The following DACH1 variants were observed in gnomAD, a reference collection of about 807,000 sequenced individuals.
DACH1 encodes the protein dachshund family transcription factor 1.
A neutral mutation model predicts 54.2 loss-of-function variants in DACH1; 12 were observed. That is an observed-to-expected ratio of 0.22 (90% CI 0.14 to 0.36). DACH1 has a LOEUF of 0.36. DACH1 is among the 10% of genes least tolerant of loss of function. The pLI, the probability that DACH1 is intolerant of heterozygous loss-of-function variation, is 1.00. For synonymous variants in DACH1, 386 were observed against 366.2 expected, an observed-to-expected ratio of 1.05 and a Z score of -0.62; for missense variants, 805 against 929.8, an observed-to-expected ratio of 0.87 and a Z score of 1.75.
intron 10 of DACH1, among the ~76,000 whole-genome samples, chr13:71,471,248 G>A (rs1293774792): frequency 2.0e-5 from 3 of 151,934 alleles, no homozygotes; most frequent in African/African-American, 7.3e-5. Context: ...ACATATTAAC[G>A]ACAATATTGG....
chr13:71,863,468 C>T (rs928865145), intron 1 of DACH1, among the ~76,000 whole-genome samples: 1 of 152,104 alleles, frequency 6.6e-6, no homozygotes, highest in Non-Finnish European at 1.5e-5. Context: ...TTTAGAGCAA[C>T]ACATGTAATT....
At chr13:71,455,344 A>G (rs1281939331) in intron 10 of DACH1, among the ~76,000 whole-genome samples, 1 of 152,064 alleles carries the variant, frequency 6.6e-6, no homozygotes, top group Admixed American at 6.6e-5. Flanking sequence ...GTCTATATAG[A>G]CAGATAGATA....
chr13:71,454,165 A>G (rs947476077), intron 10 of DACH1, among the ~76,000 whole-genome samples: 5 of 152,274 alleles, frequency 3.3e-5, no homozygotes, highest in South Asian at 4.1e-4. Context: ...AATCAAGCAA[A>G]TTTACCAGAC....
intron 1 of DACH1, among the ~76,000 whole-genome samples, chr13:71,822,105 A>G (rs1381105045): frequency 6.6e-6 from 1 of 152,086 alleles, no homozygotes; most frequent in Non-Finnish European, 1.5e-5. Flanking sequence ...GCAAAATTAT[A>G]TATAAATACA....
intron 1 of DACH1, among the ~76,000 whole-genome samples, chr13:71,825,297 C>G (rs1888337342): frequency 6.6e-6 from 1 of 151,938 alleles, no homozygotes. Flanking sequence ...AATATACTTC[C>G]TTTTCACAGA....
intron 1 of DACH1, among the ~76,000 whole-genome samples, chr13:71,823,293 G>C (rs901409929): frequency 1.3e-5 from 2 of 151,968 alleles, no homozygotes; most frequent in Non-Finnish European, 2.9e-5. Flanking sequence ...ACAAAGGAAA[G>C]GGTCAATGTG....
At chr13:71,627,645 G>A (rs1876755823) in intron 3 of DACH1, among the ~76,000 whole-genome samples, 1 of 152,050 alleles carries the variant, frequency 6.6e-6, no homozygotes, top group South Asian at 2.1e-4. Flanking sequence ...TTCTCCTGGA[G>A]GATTCAGCAC....
At chr13:71,659,476 G>A (rs954654671) in intron 2 of DACH1, among the ~76,000 whole-genome samples, 3 of 152,110 alleles carry the variant, frequency 2.0e-5, no homozygotes, top group Admixed American at 2.0e-4. Flanking sequence ...AAAGCAAAGA[G>A]TGGCTAAGGG....
At chr13:71,530,879 T>A (rs1043912743) in intron 6 of DACH1, among the ~76,000 whole-genome samples, 1 of 152,138 alleles carries the variant, frequency 6.6e-6, no homozygotes, top group African/African-American at 2.4e-5. Flanking sequence ...TTTATTTCCT[T>A]CCAAATAAAG....
At chr13:71,784,385 AAAAG>A (rs934452931) in intron 1 of DACH1, among the ~76,000 whole-genome samples, 3 of 152,142 alleles carry the variant, frequency 2.0e-5, no homozygotes, top group African/African-American at 7.2e-5. Flanking sequence ...TCATGTAAGA[AAAAG>A]AAAGTAGAAA....
intron 6 of DACH1, among the ~76,000 whole-genome samples, chr13:71,552,143 GA>G (rs1287054636): frequency 3.3e-5 from 5 of 151,916 alleles, no homozygotes; most frequent in Non-Finnish European, 5.9e-5. Context: ...GACATATCAA[GA>G]AAAAAATCTG....
chr13:71,456,249 T>C (rs755843661), intron 10 of DACH1, among the ~76,000 whole-genome samples: 2 of 152,158 alleles, frequency 1.3e-5, no homozygotes, highest in Non-Finnish European at 2.9e-5. Context: ...AAGTATATTA[T>C]AATAAATGTG....
At chr13:71,745,254 A>AGTT (rs1416971753) in intron 1 of DACH1, among the ~76,000 whole-genome samples, 2 of 152,246 alleles carry the variant, frequency 1.3e-5, no homozygotes, top group Non-Finnish European at 2.9e-5. Context: ...TTTCTTTTAA[A>AGTT]GTTCTACTAC....
chr13:71,644,013 ATC>A (rs1353072052), intron 2 of DACH1, among the ~76,000 whole-genome samples: 2 of 152,188 alleles, frequency 1.3e-5, no homozygotes, highest in Admixed American at 6.5e-5. Flanking sequence ...TTAGAAAACA[ATC>A]TCTCTAGCTC....
chr13:71,707,790 T>C (rs2138768970), intron 1 of DACH1, among the ~76,000 whole-genome samples: 1 of 152,230 alleles, frequency 6.6e-6, no homozygotes, highest in Middle Eastern at 3.4e-3. Context: ...GCATCTTTAA[T>C]AGAAGATAAT....
At chr13:71,725,881 A>C (rs372939330) in intron 1 of DACH1, among the ~76,000 whole-genome samples, 4 of 152,180 alleles carry the variant, frequency 2.6e-5, no homozygotes, top group South Asian at 2.1e-4. Flanking sequence ...ACTGGATTAC[A>C]TGGGGCTTTT....
intron 1 of DACH1, among the ~76,000 whole-genome samples, chr13:71,706,981 A>G (rs962529562): frequency 1.3e-5 from 2 of 152,236 alleles, no homozygotes; most frequent in Non-Finnish European, 2.9e-5. Flanking sequence ...ATTATTTGAT[A>G]TTAAAGTCTT....
At chr13:71,822,957 G>C (rs1888247843) in intron 1 of DACH1, among the ~76,000 whole-genome samples, 1 of 152,034 alleles carries the variant, frequency 6.6e-6, no homozygotes. Context: ...TTTGAACTTA[G>C]GGCTTCACAG....
chr13:71,650,046 CAA>C (rs920164701), intron 2 of DACH1, among the ~76,000 whole-genome samples: 1 of 152,174 alleles, frequency 6.6e-6, no homozygotes, highest in African/African-American at 2.4e-5. Flanking sequence ...ATGATACACA[CAA>C]AGTCTCTTTA....
Sources: gnomAD v4.1 joint callset for allele counts (sites outside exome capture counted in the v4.1 genomes callset) on GRCh38, gnomAD v4.1.1 for gene constraint, MANE v1.5 for transcripts, NCBI Gene and HGNC (gene_info 2026-07-23, HGNC 2026-07-21) for gene names.